The following TTN variants were observed in gnomAD, a reference collection of about 807,000 sequenced individuals.
TTN encodes the protein titin.
TTN carries 1,525 observed loss-of-function variants against 3,223.0 expected under a neutral mutation model. The observed-to-expected ratio is 0.47, with a 90% CI of 0.45 to 0.49. The LOEUF is 0.49. TTN is among the 20% of genes least tolerant of loss of function. TTN has a pLI of 0.00. For missense variants in TTN, 40,786 were observed against 43,424.0 expected, an observed-to-expected ratio of 0.94 and a Z score of 5.40; for synonymous variants, 14,094 against 15,161.0, an observed-to-expected ratio of 0.93 and a Z score of 5.17.
intron 350 of TTN, chr2:178,541,037 T>C: frequency 5.8e-6 from 2 of 344,576 alleles, no homozygotes; most frequent in Middle Eastern, 7.8e-4. Context: ...GGAAATTGAC[T>C]CCAGAGAAGA....
rs374375627 is a variant in TTN at position 178,770,443 on chromosome 2, C to G, written c.8349G>C (p.Arg2783Ser). 2 of 1,614,144 alleles carry G rather than the reference C, an allele frequency of 1.2e-6. No homozygotes were observed. Among genetic ancestry groups the G allele is most frequent in the African/African-American group, 1.3e-5 (1 of 75,068 alleles). The change falls in exon 35 of 363, where the codon AGG (arginine) becomes AGC (serine). Residue 2783 changes from arginine to serine, a missense_variant. Transcript: ENST00000589042. ...DESVYGFRLG[R>S]LGASARLHVE... The stretch of plus-strand genomic sequence containing the variant: ...CGTGCAGTCTGGCACTGGCTCCAAG[C>G]CTTCCAAGCCTGAAGCCATAAACAG...
chr2:178,750,663 A>C (rs2085206642), intron 47 of TTN: 1 of 1,612,682 alleles, frequency 6.2e-7, no homozygotes, highest in Non-Finnish European at 8.5e-7. Context: ...ATTCGTGTAG[A>C]AGCAGAGAGT....
intron 243 of TTN, 87 bp from the exon 244 acceptor site, chr2:178,622,095 T>A: frequency 7.7e-7 from 1 of 1,291,434 alleles, no homozygotes; most frequent in Non-Finnish European, 1.1e-6. Flanking sequence ...TGAGTTTTTC[T>A]GAAAGCAACC....
At chr2:178,717,845 G>A (rs1437666622) in intron 86 of TTN, 35 bp from the exon 87 acceptor site, 1 of 1,581,198 alleles carries the variant, frequency 6.3e-7, no homozygotes, top group East Asian at 2.2e-5. Context: ...TTATTTACAG[G>A]TGAGAAGGCA....
rs794729631 is a variant in TTN, at chr2:178,717,627, G to A, written c.25247C>T (p.Thr8416Ile). The A allele has an allele frequency of 2.5e-6, 4 of 1,613,224 alleles. No homozygotes were observed. The African/African-American group carries it at 4.0e-5, about 16-fold the overall frequency. ...LQTSFVHNVA[T>I]LQILQTDQSH... The stretch of plus-strand genomic sequence containing the variant: ...CTGGTCAGTTTGTAAAATCTGAAGA[G>A]TTGCTACATTATGAACAAAAGATGT... The change falls in exon 87 of 363, where the codon ACT becomes ATT. Residue 8416 changes from threonine to isoleucine, a missense_variant. By Grantham distance (89) the Thr-to-Ile change is moderately conservative. Coordinates refer to ENST00000589042, the MANE Select transcript of TTN (RefSeq NM_001267550.2).
intron 240 of TTN, 145 bp from the exon 241 acceptor site, chr2:178,625,541 T>G (rs2058896958): frequency 1.2e-5 from 10 of 823,446 alleles, no homozygotes; most frequent in Non-Finnish European, 1.7e-5. Context: ...CAAAAATCAT[T>G]TCAACCAATA....
chr2:178,608,150 T>A (rs768513168), intron 275 of TTN, 28 bp downstream of exon 275: 1 of 1,600,574 alleles, frequency 6.2e-7, no homozygotes, highest in South Asian at 1.1e-5. Context: ...CTTGTTCTAC[T>A]CCACCTTCTT....
Position 178,608,966 on chromosome 2 carries a change from A to G in TTN, c.52103-58T>C, listed in dbSNP as rs1177955461. Reference sequence around the variant, plus strand: ...TTTGTGTGGGAAGGGTTGCTATGGAAAATATAAATGTGAGCATGCTCCTCT... The same window carrying G: ...TTTGTGTGGGAAGGGTTGCTATGGAGAATATAAATGTGAGCATGCTCCTCT... On this transcript the variant is annotated intron_variant, in intron 273 of 362. Coordinates refer to ENST00000589042, the MANE Select transcript of TTN (RefSeq NM_001267550.2). 3.2e-6 allele frequency: 5 copies of G among 1,568,518 alleles called. No homozygotes were observed. In the African/African-American group the frequency reaches 5.5e-5, roughly 17 times the overall value.
Position 178,636,537 on chromosome 2 carries a change from G to C in TTN, c.41190C>G (p.Pro13730=). 2 of 1,613,474 alleles carry C rather than the reference G, an allele frequency of 1.2e-6. No homozygotes were observed. Among genetic ancestry groups the C allele is most frequent in the Non-Finnish European group, 1.7e-6 (2 of 1,179,582 alleles). ...TACCATCTGCAATAAACCTGTGCTT[G>C]GGACTCTCACGGATATTGCTACCGT... The part of the protein sequence containing the change: ...MKDGSNIRES[P]KHRFIADGKD... The change falls in exon 225 of 363, where the codon CCC becomes CCG. Residue 13730 remains proline, a synonymous_variant. Transcript: ENST00000589042. This position sits in a 1 kb window ranked among gnomAD's most constrained non-coding sequence, Gnocchi z 4.3.
chr2:178,749,079 A>G (rs1390859128), intron 47 of TTN: 3 of 1,612,930 alleles, frequency 1.9e-6, no homozygotes, highest in Admixed American at 3.3e-5. Context: ...GATTCTTCAT[A>G]TACAATGGCA....
At chr2:178,754,445 G>GAA (rs1406289188) in intron 46 of TTN, among the ~76,000 whole-genome samples, 1 of 152,006 alleles carries the variant, frequency 6.6e-6, no homozygotes, top group Non-Finnish European at 1.5e-5. Flanking sequence ...TTATCAATTG[G>GAA]AACTGAATGA....
Position 178,576,200 on chromosome 2 carries a change from T to C in TTN, c.69932A>G (p.Lys23311Arg), listed in dbSNP as rs1025638052. Residue 23311 changes from lysine (K) to arginine (R), a missense_variant, in exon 326 of 363, where the codon AAA becomes AGA. By Grantham distance (26) the Lys-to-Arg change is conservative. Coordinates refer to ENST00000589042, the MANE Select transcript of TTN (RefSeq NM_001267550.2). The surrounding 1 kb of genome is among the most constrained non-coding windows in gnomAD (Gnocchi z 4.3). ...GATGGCACTGATTCTGAAGTTGTAT[T>C]TTTCTTTAGTCTGAAGATCAGGAAC... Reference protein sequence around the residue: ...FVVPDLQTKEKYNFRISAIND... With the variant: ...FVVPDLQTKERYNFRISAIND... 6.2e-7 allele frequency: 1 copy of C among 1,612,916 alleles called. No homozygotes were observed.
At chr2:178,744,897 C>A (rs1574140545) in intron 47 of TTN, 2 of 985,104 alleles carry the variant, frequency 2.0e-6, no homozygotes, top group East Asian at 2.3e-4. Context: ...TCTAGGTGAA[C>A]CCTGCCCACA....
rs760063480 is a variant in TTN at position 178,725,621 on chromosome 2, G to C, written c.20583C>G (p.Asn6861Lys). Residue 6861 changes from asparagine (N) to lysine (K), a missense_variant, in exon 71 of 363, where the codon AAC (asparagine) becomes AAG (lysine). By Grantham distance (94) the Asn-to-Lys change is moderately conservative. Coordinates refer to ENST00000589042, the MANE Select transcript of TTN (RefSeq NM_001267550.2). Reference sequence around the variant, plus strand: ...GCTCTCCGGCTACAACAGTGAGGCTGTTCAGTTTGGAGACAAATCTTGGTG... The same window carrying C: ...GCTCTCCGGCTACAACAGTGAGGCTCTTCAGTTTGGAGACAAATCTTGGTG... ...KEPPRFVSKL[N>K]SLTVVAGEPA... is the part of the protein sequence containing the mutation. The C allele has an allele frequency of 6.3e-7, 1 of 1,593,070 alleles. No homozygotes were observed. Among genetic ancestry groups the C allele is most frequent in the Non-Finnish European group, 8.6e-7 (1 of 1,169,116 alleles).
In TTN at chr2:178,568,473, T is replaced by G; in HGVS notation, c.77659A>C (p.Thr25887Pro). 1 of 1,613,330 alleles carries G rather than the reference T, an allele frequency of 6.2e-7. No homozygotes were observed. Among genetic ancestry groups the G allele is most frequent in the Middle Eastern group, 1.7e-4 (1 of 6,054 alleles). ...GQKTASIEIV[T>P]LDKPDPPKGP... ...TTTGGAGGATCAGGTTTATCTAGAG[T>G]TACAATTTCGATGGATGCTGTCTTC... Residue 25887 changes from threonine to proline, a missense_variant, in exon 326 of 363, where the codon ACT becomes CCT. Physicochemically the swap from Thr to Pro is conservative, Grantham distance 38. Coordinates refer to ENST00000589042, the MANE Select transcript of TTN (RefSeq NM_001267550.2).
rs2058346797 is a variant in TTN at position 178,621,885 on chromosome 2, A to T, written c.45037T>A (p.Cys15013Ser). ...GAAGTTCTCGCTGTCCTTACTTCAC[A>T]GGAATATTCAGCTTCATCATCCAGT... is the stretch of plus-strand genomic sequence containing the variant. ...CLLDDEAEYS[C>S]EVRTARTSGM... The change falls in exon 244 of 363, where the codon TGT (cysteine) becomes AGT (serine). Residue 15013 changes from cysteine to serine, a missense_variant. Coordinates refer to ENST00000589042, the MANE Select transcript of TTN (RefSeq NM_001267550.2). 1.9e-6 allele frequency: 3 copies of T among 1,612,172 alleles called. No homozygotes were observed. Among genetic ancestry groups the T allele is most frequent in the African/African-American group, 1.3e-5 (1 of 74,822 alleles).
Position 178,755,122 on chromosome 2 carries a change from T to TG in TTN, c.11254+1099dup, listed in dbSNP as rs539619549. On this transcript the variant is annotated intron_variant, in intron 46 of 362. Coordinates refer to ENST00000589042, the MANE Select transcript of TTN (RefSeq NM_001267550.2). ...TCCATGAGACTCAGTGAAGCTGTTT[T>TG]GACTACGGGCACACAACACAGGCTT... Among the ~76,000 whole-genome samples the TG allele has an allele frequency of 6.6e-5, 10 of 152,282 alleles. No homozygotes were observed. The South Asian group carries it at 2.1e-3, about 32-fold the overall frequency.
intron 350 of TTN, 81 bp from the exon 351 acceptor site, chr2:178,540,451 G>A (rs774587067): frequency 5.9e-6 from 7 of 1,189,714 alleles, no homozygotes; most frequent in Non-Finnish European, 8.2e-6. Context: ...AATTCAATGA[G>A]TTGTTGAAAC....
intron 240 of TTN, among the ~76,000 whole-genome samples, chr2:178,629,091 A>T (rs1172379993): frequency 1.3e-5 from 2 of 152,114 alleles, no homozygotes; most frequent in Admixed American, 1.3e-4. Context: ...AATTTATTTC[A>T]ATTTCAATAA....
Sources: allele counts gnomAD v4.1 joint callset (sites outside exome capture counted in the v4.1 genomes callset), GRCh38; gene constraint gnomAD v4.1.1; non-coding constraint Gnocchi (gnomAD v3.1); transcripts MANE v1.5; gene names NCBI Gene and HGNC (gene_info 2026-07-23, HGNC 2026-07-21).